Variants in NAGA observed in about 807,000 individuals in gnomAD.
The protein encoded by NAGA is Acetylgalactosaminidase, alpha-N- (alpha-galactosidase B).
In NAGA, 42 loss-of-function variants were observed where a neutral mutation model predicts 45.6. The observed-to-expected ratio is 0.92, with a 90% CI of 0.72 to 1.19. The LOEUF (loss-of-function observed/expected upper bound fraction) is 1.19, where lower values mean the gene tolerates loss of function less well. Among genes scored for constraint, NAGA ranks in the 50% most tolerant of loss-of-function variants. NAGA has a pLI of 0.00. For missense variants in NAGA, 493 were observed against 544.8 expected, an observed-to-expected ratio of 0.90 and a Z score of 0.95; for synonymous variants, 176 against 203.1, an observed-to-expected ratio of 0.87 and a Z score of 1.13.
At chr22:42,062,381 G>A (rs1926457229) in intron 7 of NAGA, among the ~76,000 whole-genome samples, 1 of 152,144 alleles carries the variant, frequency 6.6e-6, no homozygotes, top group Non-Finnish European at 1.5e-5. Context: ...CACGAGAATT[G>A]CTTGAACCTG....
chr22:42,067,056 G>T (rs940422246), intron 4 of NAGA, 57 bp downstream of exon 4: 1 of 1,607,376 alleles, frequency 6.2e-7, no homozygotes, highest in Admixed American at 1.7e-5. Flanking sequence ...CGCTGGGTGG[G>T]TCTCCATGGC....
At position 42,060,124 on chromosome 22, in the gene NAGA, T is replaced by TAG; in HGVS notation, c.*153_*154dup. ...AGAGGGTTTACGCTTGGACAGGGCATAGAACCTGGCCGTGAGATTGCACTT... is the reference window on the plus strand; with the variant it reads ...AGAGGGTTTACGCTTGGACAGGGCATAGAGAACCTGGCCGTGAGATTGCACTT... On this transcript the variant is annotated 3_prime_UTR_variant, in exon 9 of 9. Coordinates refer to ENST00000396398, the MANE Select transcript of NAGA (RefSeq NM_000262.3). 1 of 1,013,908 alleles carries TAG rather than the reference T, an allele frequency of 9.9e-7. No individual in the cohort carries two copies. The highest frequency in any genetic ancestry group is 1.5e-6 in the Non-Finnish European group (1 of 662,586). 62.8% of individuals were successfully genotyped at this position (1,013,908 alleles called of 1,614,324 possible).
intron 6 of NAGA, among the ~76,000 whole-genome samples, chr22:42,063,889 A>G (rs546178447): frequency 1.9e-3 from 284 of 152,322 alleles, no homozygotes; most frequent in African/African-American, 6.6e-3. Flanking sequence ...CCTCATTTCT[A>G]CTGAAAATAT....
rs762266533 is a variant in NAGA, at chr22:42,067,308, C to T, written c.325-18G>A. 2 of 1,613,796 alleles carry T rather than the reference C, an allele frequency of 1.2e-6. No individual in the cohort carries two copies. The highest frequency in any genetic ancestry group is 1.1e-5 in the South Asian group (1 of 91,080). ...GAGTGAACCTGTGGGGGTTTGAGGA[C>T]ACAGTGGGCTCAAGCAGGACCCTCA... On this transcript the variant is annotated intron_variant, in intron 3 of 8. Transcript: ENST00000396398.
In NAGA at chr22:42,058,361, C is replaced by A. The variant is rs1403270197; in HGVS notation, c.*1918G>T. On this transcript the variant is annotated 3_prime_UTR_variant, in exon 9 of 9. Transcript: ENST00000396398. ...AAATAATGGTACACGTTGATGGTTA[C>A]TGGAGCTGGATGCTGGGTACATGGA... is the stretch of plus-strand genomic sequence containing the variant. 6.6e-6 allele frequency: 1 copy of A among 151,982 alleles called. No homozygotes were observed. Among genetic ancestry groups the A allele is most frequent in the Non-Finnish European group, 1.5e-5 (1 of 68,008 alleles). 9.4% of individuals were successfully genotyped at this position (151,982 alleles called of 1,614,324 possible).
Position 42,059,792 on chromosome 22 carries a change from C to T in NAGA, c.*487G>A, listed in dbSNP as rs1926252557. The T allele has an allele frequency of 5.2e-6, 1 of 191,178 alleles. No individual in the cohort carries two copies. Among genetic ancestry groups the T allele is most frequent in the African/African-American group, 2.3e-5 (1 of 43,090 alleles). 11.8% of individuals were successfully genotyped at this position (191,178 alleles called of 1,614,324 possible). A position where few individuals can be genotyped will look rare whatever the true frequency, so the allele number is the denominator to read the frequency against. On this transcript the variant is annotated 3_prime_UTR_variant, in exon 9 of 9. Coordinates refer to ENST00000396398, the MANE Select transcript of NAGA (RefSeq NM_000262.3). ...ATTAAAGAACAGGTTTATTGGTGAC[C>T]TGAGGGAGCCAAGGTCTCCTTTGTG...
At chr22:42,065,942 C>A (rs774436195) in intron 5 of NAGA, 43 bp from the exon 6 acceptor site, 1 of 1,605,816 alleles carries the variant, frequency 6.2e-7, no homozygotes, top group South Asian at 1.1e-5. Flanking sequence ...CAGAATCACA[C>A]GCTGCAGCCC....
At chr22:42,065,959 C>A in intron 5 of NAGA, 60 bp from the exon 6 acceptor site, 2 of 1,591,658 alleles carry the variant, frequency 1.3e-6, no homozygotes, top group Non-Finnish European at 1.7e-6. Flanking sequence ...GCCCAGGGAC[C>A]CACACAGGAG....
At position 42,060,514 on chromosome 22, in the gene NAGA, G is replaced by A. The variant is rs1324946031; in HGVS notation, c.1102-101C>T. 10 of 1,528,336 alleles carry A rather than the reference G, an allele frequency of 6.5e-6. No individual in the cohort carries two copies. In the Middle Eastern group the frequency reaches 7.0e-4, roughly 107 times the overall value. The allele number at this position is 1,528,336 out of a possible 1,614,324, so 94.7% of individuals were successfully genotyped here. A position where few individuals can be genotyped will look rare whatever the true frequency, so the allele number is the denominator to read the frequency against. ...AAGCCTTCTGCCTGGACTTTGGCCT[G>A]TCTGTGCTGGGCTTCCAGTATGCCC... On this transcript the variant is annotated intron_variant, in intron 8 of 8. Coordinates refer to ENST00000396398, the MANE Select transcript of NAGA (RefSeq NM_000262.3).
intron 8 of NAGA, 99 bp from the exon 9 acceptor site, chr22:42,060,512 C>A: frequency 1.3e-6 from 2 of 1,540,348 alleles, no homozygotes; most frequent in East Asian, 4.5e-5. Context: ...GGACTTTGGC[C>A]TGTCTGTGCT....
At chr22:42,063,670 AGTT>A in intron 6 of NAGA, among the ~76,000 whole-genome samples, 1 of 152,330 alleles carries the variant, frequency 6.6e-6, no homozygotes, top group African/African-American at 2.4e-5. Flanking sequence ...GACCCCTTAA[AGTT>A]GTAAGCCTTT....
rs950579752 is a variant in NAGA at position 42,065,849 on chromosome 22, A to G, written c.648T>C (p.Asp216=). The G allele has an allele frequency of 4.3e-6, 7 of 1,614,062 alleles. No individual in the cohort carries two copies. Among genetic ancestry groups the G allele is most frequent in the Non-Finnish European group, 5.9e-6 (7 of 1,180,026 alleles). ...ADICNLWRNY[D]DIQDSWWSVL... ...CGCTCCACCAGGAGTCCTGGATGTC[A>G]TCATAGTTACGCCAGAGGTTGCAGA... Residue 216 remains aspartate, a synonymous_variant, in exon 6 of 9, where the codon GAT becomes GAC. Transcript: ENST00000396398.
At chr22:42,064,555 G>C (rs1043903361) in intron 6 of NAGA, among the ~76,000 whole-genome samples, 2 of 151,020 alleles carry the variant, frequency 1.3e-5, no homozygotes, top group African/African-American at 4.9e-5. Flanking sequence ...TGAGGCAGGA[G>C]AATCGCTTGA....
intron 7 of NAGA, among the ~76,000 whole-genome samples, chr22:42,061,427 G>T (rs1242110081): frequency 2.0e-5 from 3 of 152,256 alleles, no homozygotes; most frequent in Non-Finnish European, 4.4e-5. Flanking sequence ...ACAGCTGCCA[G>T]TGCTGGCCTG....
At position 42,067,128 on chromosome 22, in the gene NAGA, C is replaced by G. The variant is rs372458856; in HGVS notation, c.487G>C (p.Glu163Gln). ...LKLDGCFSTP[E>Q]ERAQGYPKMA... ...CGTAACTCACCCTGGGCCCGCTCCT[C>G]GGGGGTGGAGAAGCAGCCATCCAGC... The change falls in exon 4 of 9, where the codon GAG (glutamate) becomes CAG (glutamine). Residue 163 changes from glutamate to glutamine, a missense_variant. Coordinates refer to ENST00000396398, the MANE Select transcript of NAGA (RefSeq NM_000262.3). 6.2e-7 allele frequency: 1 copy of G among 1,614,036 alleles called. No homozygotes were observed. Among genetic ancestry groups the G allele is most frequent in the South Asian group, 1.1e-5 (1 of 91,080 alleles).
chr22:42,069,660 C>T (rs1464158826), intron 1 of NAGA, among the ~76,000 whole-genome samples: 1 of 150,968 alleles, frequency 6.6e-6, no homozygotes, highest in Non-Finnish European at 1.5e-5. Flanking sequence ...CGCACATTAG[C>T]CTACAGCTGG....
At chr22:42,066,657 T>C in intron 5 of NAGA, 53 bp downstream of exon 5, 1 of 1,505,872 alleles carries the variant, frequency 6.6e-7, no homozygotes, top group Non-Finnish European at 9.0e-7. Context: ...ACTCAGGAGG[T>C]AAGGAGGCCT....
In NAGA at chr22:42,068,566, G is replaced by A. The variant is rs147528904; in HGVS notation, c.25C>T (p.Leu9=). 6,211 of 1,614,118 alleles carry A rather than the reference G, an allele frequency of 3.8e-3. 6 individuals carry two copies. The highest frequency in any genetic ancestry group is 4.8e-3 in the Non-Finnish European group (5,655 of 1,180,012). The part of the protein sequence containing the change: MLLKTVLL[L]GHVAQVLMLD... ...ATCAGCACCTGGGCCACATGTCCCA[G>A]CAAGAGCACTAGGGGGCAAGGGAGG... Residue 9 remains leucine, a synonymous_variant, in exon 2 of 9, where the codon CTG becomes TTG. Coordinates refer to ENST00000396398, the MANE Select transcript of NAGA (RefSeq NM_000262.3).
chr22:42,062,969 A>C lies in NAGA; in HGVS notation c.815T>G (p.Leu272Arg). The C allele has an allele frequency of 6.2e-7, 1 of 1,614,206 alleles. No homozygotes were observed. Among genetic ancestry groups the C allele is most frequent in the Non-Finnish European group, 8.5e-7 (1 of 1,180,046 alleles). Residue 272 changes from leucine (L) to arginine (R), a missense_variant, in exon 7 of 9, where the codon CTG becomes CGG. Coordinates refer to ENST00000396398, the MANE Select transcript of NAGA (RefSeq NM_000262.3). ...GAGGGGGGCTGCCAGCACCGTCCAC[A>C]GGGCCATCTGGGCCCGGGATTGCTC... is the stretch of plus-strand genomic sequence containing the variant. Reference protein sequence around the residue: ...SLEQSRAQMALWTVLAAPLLM... With the variant: ...SLEQSRAQMARWTVLAAPLLM...
Sources: allele counts gnomAD v4.1 joint callset (sites outside exome capture counted in the v4.1 genomes callset), GRCh38; gene constraint gnomAD v4.1.1; transcripts MANE v1.5; gene names NCBI Gene and HGNC (gene_info 2026-07-23, HGNC 2026-07-21).